The following GSPT1 variants were observed in gnomAD, a reference collection of about 807,000 sequenced individuals.
GSPT1 encodes eukaryotic peptide chain release factor GTP-binding subunit ERF3A.
In GSPT1, 20 loss-of-function variants were observed where a neutral mutation model predicts 72.5. The observed-to-expected ratio is 0.28, with a 90% CI of 0.19 to 0.40. The LOEUF is 0.40. GSPT1 is among the 10% of genes least tolerant of loss of function. The pLI is 1.00. For missense variants in GSPT1, 580 were observed against 811.9 expected, an observed-to-expected ratio of 0.71 and a Z score of 3.47; for synonymous variants, 334 against 293.5, an observed-to-expected ratio of 1.14 and a Z score of -1.41.
chr16:11,885,852 C>A (rs1015114851), intron 9 of GSPT1, among the ~76,000 whole-genome samples: 1 of 152,126 alleles, frequency 6.6e-6, no homozygotes, highest in Admixed American at 6.6e-5. Flanking sequence ...GATCATGCCA[C>A]TGCACTCCAG....
At chr16:11,874,454 CTTTTTTTTT>C (rs200991035) in intron 14 of GSPT1, among the ~76,000 whole-genome samples, 13 of 95,930 alleles carry the variant, frequency 1.4e-4, no homozygotes, top group Admixed American at 5.9e-4. Flanking sequence ...GCCAAGTTAG[CTTTTTTTTT>C]TTTTTTTTTT....
At position 11,897,846 on chromosome 16, in the gene GSPT1, G is replaced by C; in HGVS notation, c.430C>G (p.Pro144Ala). 4 of 1,514,172 alleles carry C rather than the reference G, an allele frequency of 2.6e-6. No individual in the cohort carries two copies. The highest frequency in any genetic ancestry group is 3.6e-6 in the Non-Finnish European group (4 of 1,106,836). 93.8% of individuals were successfully genotyped at this position (1,514,172 alleles called of 1,614,324 possible). ...TGGTCAGAAATTTTCTTACCAATAG[G>C]TTCTGAAAGTTCCATGCTAACAGCT... ...NSAVSMELSE[P>A]IVENGETEMS... The change falls in exon 3 of 15, where the codon CCT (proline) becomes GCT (alanine). Residue 144 changes from proline (P) to alanine (A), a missense_variant. This residue lies in a region of GSPT1 where 327 missense variants were observed against 298.8 expected (regional missense o/e 1.09). Coordinates refer to ENST00000434724, the MANE Select transcript of GSPT1 (RefSeq NM_002094.4).
At position 11,896,712 on chromosome 16, in the gene GSPT1, T is replaced by G; in HGVS notation, c.510A>C (p.Pro170=). The G allele has an allele frequency of 6.2e-7, 1 of 1,606,930 alleles. No individual in the cohort carries two copies. The highest frequency in any genetic ancestry group is 8.5e-7 in the Non-Finnish European group (1 of 1,176,500). ...EHKEEISEAE[P]GGGSLGDGRP... Reference sequence around the variant, plus strand: ...TTCCATCTCCCAAGGAACCACCCCCTGGCTCTGCTTCACTTATTTCTTCTT... The same window carrying G: ...TTCCATCTCCCAAGGAACCACCCCCGGGCTCTGCTTCACTTATTTCTTCTT... Residue 170 remains proline (P), a synonymous_variant, in exon 4 of 15, where the codon CCA becomes CCC. Transcript: ENST00000434724.
At chr16:11,896,495 GC>G in intron 4 of GSPT1, 62 bp downstream of exon 4, 1 of 872,102 alleles carries the variant, frequency 1.1e-6, no homozygotes, top group Admixed American at 2.3e-5. Flanking sequence ...TCTCCAGGTA[GC>G]TAAAAAGGAT....
chr16:11,887,988 CCT>C (rs2054205060), intron 6 of GSPT1, among the ~76,000 whole-genome samples: 1 of 151,622 alleles, frequency 6.6e-6, no homozygotes, highest in Non-Finnish European at 1.5e-5. Flanking sequence ...ATGGTGAAGC[CCT>C]GTCTCTACCG....
In GSPT1 at chr16:11,915,614, A is replaced by G; in HGVS notation, c.107T>C (p.Met36Thr). The part of the protein sequence containing the change: ...SAPDCWDQAD[M>T]EAPGPGPCGG... ...GCAAGGGCCCGGCCCGGGGGCTTCC[A>G]TGTCCGCCTGGTCCCAGCAGTCAGG... is the stretch of plus-strand genomic sequence containing the variant. The change falls in exon 1 of 15, where the codon ATG becomes ACG. Residue 36 changes from methionine (M) to threonine (T), a missense_variant. This residue lies in a region of GSPT1 where 327 missense variants were observed against 298.8 expected (regional missense o/e 1.09). Coordinates refer to ENST00000434724, the MANE Select transcript of GSPT1 (RefSeq NM_002094.4). 1 of 1,490,794 alleles carries G rather than the reference A, an allele frequency of 6.7e-7. No individual in the cohort carries two copies. Among genetic ancestry groups the G allele is most frequent in the Non-Finnish European group, 8.9e-7 (1 of 1,124,418 alleles). The allele number at this position is 1,490,794 out of a possible 1,614,324, so 92.3% of individuals were successfully genotyped here.
chr16:11,913,463 G>C (rs541246297), intron 1 of GSPT1, among the ~76,000 whole-genome samples: 2 of 152,322 alleles, frequency 1.3e-5, no homozygotes, highest in South Asian at 4.1e-4. Context: ...CTGTCAAAGA[G>C]AAAAAGATTA....
In GSPT1 at chr16:11,915,395, G is replaced by A. The variant is rs1466259995; in HGVS notation, c.326C>T (p.Ala109Val). 8 of 1,507,162 alleles carry A rather than the reference G, an allele frequency of 5.3e-6. No individual in the cohort carries two copies. The South Asian group carries it at 1.0e-4, about 19-fold the overall frequency. The allele number at this position is 1,507,162 out of a possible 1,614,324, so 93.4% of individuals were successfully genotyped here. A position where few individuals can be genotyped will look rare whatever the true frequency, so the allele number is the denominator to read the frequency against. ...CGCACGGCCTCCCGCGCCGCTGCCGGCTCCGTGGTTATTGGCGGCGCCGCC... is the reference window on the plus strand; with the variant it reads ...CGCACGGCCTCCCGCGCCGCTGCCGACTCCGTGGTTATTGGCGGCGCCGCC... ...PVGGAANNHGAGSGAGGRAAP... is the reference protein window; with the variant it reads ...PVGGAANNHGVGSGAGGRAAP... The change falls in exon 1 of 15, where the codon GCC (alanine) becomes GTC (valine). Residue 109 changes from alanine (A) to valine (V), a missense_variant. Transcript: ENST00000434724.
At chr16:11,916,208 G>T (rs1370483452), upstream of GSPT1, 1 of 340,746 alleles carries the variant, frequency 2.9e-6, no homozygotes, top group Non-Finnish European at 5.8e-6. Flanking sequence ...AAGCGGCTCC[G>T]GCTCCCGGCA....
chr16:11,914,189 T>C (rs1299317082), intron 1 of GSPT1, among the ~76,000 whole-genome samples: 1 of 152,204 alleles, frequency 6.6e-6, no homozygotes, highest in East Asian at 1.9e-4. Flanking sequence ...TTTTTCATTT[T>C]CTCTTTAAGG....
In GSPT1 at chr16:11,872,313, C is replaced by T. The variant is rs987482444; in HGVS notation, c.*806G>A. The T allele has an allele frequency of 6.6e-6, 1 of 151,082 alleles. No homozygotes were observed. The highest frequency in any genetic ancestry group is 1.5e-5 in the Non-Finnish European group (1 of 67,922). 9.4% of individuals were successfully genotyped at this position (151,082 alleles called of 1,614,324 possible). On this transcript the variant is annotated 3_prime_UTR_variant, in exon 15 of 15. Transcript: ENST00000434724. ...CATTACGCTTTACTTATAAAAACTA[C>T]AGTATGCTGTTCTTTTATTTTAAAA...
Position 11,871,454 on chromosome 16 carries a change from G to A in GSPT1, c.*1665C>T, listed in dbSNP as rs1392252036. The A allele has an allele frequency of 1.3e-5, 2 of 152,156 alleles. No homozygotes were observed. Among genetic ancestry groups the A allele is most frequent in the Admixed American group, 1.3e-4 (2 of 15,260 alleles). 9.4% of individuals were successfully genotyped at this position (152,156 alleles called of 1,614,324 possible). A position where few individuals can be genotyped will look rare whatever the true frequency, so the allele number is the denominator to read the frequency against. ...CTCGTGGAGGGCTCCTGTAATCCCA[G>A]CTACTCAAGAGGCTGAGGCAGGAAA... On this transcript the variant is annotated 3_prime_UTR_variant, in exon 15 of 15. Coordinates refer to ENST00000434724, the MANE Select transcript of GSPT1 (RefSeq NM_002094.4).
At chr16:11,891,011 G>T in intron 6 of GSPT1, 51 bp downstream of exon 6, 1 of 782,256 alleles carries the variant, frequency 1.3e-6, no homozygotes, top group Non-Finnish European at 2.1e-6. Flanking sequence ...GCACTAAGTG[G>T]GCATCGTCTC....
intron 3 of GSPT1, 36 bp downstream of exon 3, chr16:11,897,804 A>G (rs1428467239): frequency 1.9e-6 from 2 of 1,067,488 alleles, no homozygotes; most frequent in East Asian, 2.5e-5. Context: ...AAAGAGTTTC[A>G]TATTACTGTA....
At position 11,877,702 on chromosome 16, in the gene GSPT1, T is replaced by C. The variant is rs1390127787; in HGVS notation, c.1429-122A>G. ...AAGATTTGACTGTAAACACTTATGT[T>C]TGTATGACATAAAATCTTAGCCTAG... On this transcript the variant is annotated intron_variant, in intron 11 of 14. Transcript: ENST00000434724. This position sits in a 1 kb window ranked among gnomAD's most constrained non-coding sequence, Gnocchi z 4.0. 3.3e-6 allele frequency: 2 copies of C among 608,288 alleles called. No individual in the cohort carries two copies. The highest frequency in any genetic ancestry group is 5.6e-6 in the Non-Finnish European group (2 of 357,860). The allele number at this position is 608,288 out of a possible 1,614,324, so 37.7% of individuals were successfully genotyped here. A position where few individuals can be genotyped will look rare whatever the true frequency, so the allele number is the denominator to read the frequency against.
intron 14 of GSPT1, 56 bp from the exon 15 acceptor site, chr16:11,873,227 A>C: frequency 3.6e-6 from 3 of 823,052 alleles, no homozygotes; most frequent in Non-Finnish European, 4.1e-6. Flanking sequence ...TCTATATAAG[A>C]TATTAAAACT....
At position 11,891,052 on chromosome 16, in the gene GSPT1, T is replaced by C; in HGVS notation, c.776+10A>G. 4 of 1,295,936 alleles carry C rather than the reference T, an allele frequency of 3.1e-6. No homozygotes were observed. Among genetic ancestry groups the C allele is most frequent in the Non-Finnish European group, 4.3e-6 (4 of 924,274 alleles). 80.3% of individuals were successfully genotyped at this position (1,295,936 alleles called of 1,614,324 possible). A position where few individuals can be genotyped will look rare whatever the true frequency, so the allele number is the denominator to read the frequency against. On this transcript the variant is annotated intron_variant, in intron 6 of 14. Transcript: ENST00000434724. ...AAGTAATTTATAAGTGTCATAAAAG[T>C]TTACTATACCAAGTTTCTCTGTTTT...
rs922284319 is a variant in GSPT1 at position 11,887,557 on chromosome 16, A to G, written c.957+13T>C. The G allele has an allele frequency of 5.6e-6, 9 of 1,608,512 alleles. No individual in the cohort carries two copies. In the African/African-American group the frequency reaches 1.2e-4, roughly 22 times the overall value. ...TAACAAATATACAGATGGACTGGAA[A>G]TGTCTTTCTTACCAGCACAGCCAAA... On this transcript the variant is annotated intron_variant, in intron 7 of 14. Transcript: ENST00000434724.
intron 1 of GSPT1, among the ~76,000 whole-genome samples, chr16:11,906,646 TAAAG>T (rs1488985924): frequency 2.6e-5 from 4 of 152,018 alleles, no homozygotes; most frequent in Non-Finnish European, 5.9e-5. Context: ...AAAACAAAAT[TAAAG>T]AAAGAAAATT....
Sources: gnomAD v4.1 joint callset for allele counts (sites outside exome capture counted in the v4.1 genomes callset) on GRCh38, gnomAD v4.1.1 for gene constraint, gnomAD v4.1.1 regional missense constraint, Gnocchi (gnomAD v3.1) non-coding constraint, MANE v1.5 for transcripts, NCBI Gene and HGNC (gene_info 2026-07-23, HGNC 2026-07-21) for gene names.